The following FOXP2 variants were observed in gnomAD, a reference collection of about 807,000 sequenced individuals.
The protein encoded by FOXP2 is forkhead box P2.
In FOXP2, 12 loss-of-function variants were observed where a neutral mutation model predicts 115.8. The observed-to-expected ratio is 0.10, with a 90% CI of 0.07 to 0.17. The LOEUF is 0.17. FOXP2 is among the 10% of genes least tolerant of loss of function. The pLI, the probability that FOXP2 is intolerant of heterozygous loss-of-function variation, is 1.00. For synonymous variants in FOXP2, 328 were observed against 297.7 expected (o/e 1.10, Z -1.05); for missense variants, 629 against 843.5 (o/e 0.75, Z 3.15).
At chr7:114,428,546 G>T (rs1174928853) in intron 2 of FOXP2, among the ~76,000 whole-genome samples, 2 of 151,372 alleles carry the variant, frequency 1.3e-5, no homozygotes, top group African/African-American at 4.8e-5. Flanking sequence ...GGTATGGTGG[G>T]TGCCTACATA....
chr7:114,492,127 G>T (rs1481238485), intron 2 of FOXP2, among the ~76,000 whole-genome samples: 1 of 151,958 alleles, frequency 6.6e-6, no homozygotes, highest in Non-Finnish European at 1.5e-5. Context: ...ACTTCTTCCT[G>T]GTTTAGTCTT....
chr7:114,190,052 G>A (rs1344730823), intron 1 of FOXP2, among the ~76,000 whole-genome samples: 1 of 152,072 alleles, frequency 6.6e-6, no homozygotes, highest in Non-Finnish European at 1.5e-5. Context: ...ACTTATCTTA[G>A]GACCCAGACA....
chr7:114,186,759 C>T (rs1793617006), intron 1 of FOXP2, among the ~76,000 whole-genome samples: 1 of 152,140 alleles, frequency 6.6e-6, no homozygotes, highest in Admixed American at 6.5e-5. Context: ...ACATCATAGC[C>T]CCACAGGTCA....
chr7:114,122,106 A>G (rs917367203), intron 1 of FOXP2, among the ~76,000 whole-genome samples: 1 of 151,972 alleles, frequency 6.6e-6, no homozygotes, highest in African/African-American at 2.4e-5. Context: ...GTATTTTGAG[A>G]TTTTCTTCAT....
chr7:114,235,161 T>C (rs1313577947), intron 1 of FOXP2, among the ~76,000 whole-genome samples: 1 of 152,158 alleles, frequency 6.6e-6, no homozygotes, highest in Non-Finnish European at 1.5e-5. Flanking sequence ...GAGTGAATAC[T>C]TGTTGATGAA....
At chr7:114,264,868 A>C (rs2129171841) in intron 1 of FOXP2, among the ~76,000 whole-genome samples, 1 of 152,006 alleles carries the variant, frequency 6.6e-6, no homozygotes, top group East Asian at 1.9e-4. Flanking sequence ...TGGGGAGGGG[A>C]TGTGCCACAT....
chr7:114,525,729 C>T (rs1167864008), intron 2 of FOXP2, among the ~76,000 whole-genome samples: 1 of 152,148 alleles, frequency 6.6e-6, no homozygotes, highest in Admixed American at 6.5e-5. Context: ...AGCCTGTCTC[C>T]TCCCCATAAG....
rs1269541792 is a variant in FOXP2, at chr7:114,631,843, TG to T, written c.775+140del. On this transcript the variant is annotated intron_variant, in intron 6 of 16. Coordinates refer to ENST00000350908, the MANE Select transcript of FOXP2 (RefSeq NM_014491.4). ...TATTAAAACGTGATTGTTAACATGG[TG>T]GCATGACCTATTTTCTAGAGGCTCA... 1.3e-4 allele frequency: 106 copies of T among 845,304 alleles called. 2 individuals carry two copies. The South Asian group carries it at 1.6e-3, about 13-fold the overall frequency. The allele number at this position is 845,304 out of a possible 1,614,324, so 52.4% of individuals were successfully genotyped here.
At chr7:114,182,595 A>G (rs1176631565) in intron 1 of FOXP2, among the ~76,000 whole-genome samples, 6 of 151,664 alleles carry the variant, frequency 4.0e-5, no homozygotes, top group African/African-American at 7.3e-5. Flanking sequence ...TGAATTGAAT[A>G]TAAACAACTA....
intron 2 of FOXP2, among the ~76,000 whole-genome samples, chr7:114,358,864 G>T (rs1347853483): frequency 6.6e-6 from 1 of 152,098 alleles, no homozygotes; most frequent in Non-Finnish European, 1.5e-5. Flanking sequence ...TTTAAAAAGG[G>T]AGCAGAGGAT....
intron 14 of FOXP2, among the ~76,000 whole-genome samples, chr7:114,662,702 G>A (rs1300952807): frequency 6.6e-6 from 1 of 152,036 alleles, no homozygotes; most frequent in Non-Finnish European, 1.5e-5. Context: ...CTCCAACTGT[G>A]ATGGTTTTCT....
At chr7:114,280,483 A>G (rs769052721) in intron 1 of FOXP2, among the ~76,000 whole-genome samples, 9 of 152,100 alleles carry the variant, frequency 5.9e-5, no homozygotes, top group Non-Finnish European at 1.2e-4. Context: ...GTACATTTAC[A>G]TGTTTATGGT....
At chr7:114,529,533 G>A (rs538864869) in intron 2 of FOXP2, among the ~76,000 whole-genome samples, 2 of 151,836 alleles carry the variant, frequency 1.3e-5, no homozygotes, top group South Asian at 2.1e-4. Context: ...AGTAGTCTTA[G>A]TATCTCAATT....
chr7:114,458,123 C>A (rs1415847167), intron 2 of FOXP2, among the ~76,000 whole-genome samples: 1 of 151,980 alleles, frequency 6.6e-6, no homozygotes, highest in Non-Finnish European at 1.5e-5. Context: ...ATTTAAGTGG[C>A]AAAACAACTT....
chr7:114,472,282 G>A (rs558411720), intron 2 of FOXP2, among the ~76,000 whole-genome samples: 103 of 151,352 alleles, frequency 6.8e-4, no homozygotes, highest in Non-Finnish European at 9.9e-4. Context: ...TTCATATGGG[G>A]TATTTTATAT....
At position 114,461,813 on chromosome 7, in the gene FOXP2, T is replaced by C. The variant is rs75325192; in HGVS notation, c.168+35134T>C. The stretch of plus-strand genomic sequence containing the variant: ...GATGCTACCATGTTTTCCCTCAACC[T>C]GCTTCTTAGACTATTTTAACTTTCC... On this transcript the variant is annotated intron_variant, in intron 2 of 16. Transcript: ENST00000350908. Among the ~76,000 whole-genome samples, 1,088 of 152,224 alleles carry C rather than the reference T, an allele frequency of 7.1e-3. 16 individuals carry two copies. The highest frequency in any genetic ancestry group is 0.025 in the African/African-American group (1,022 of 41,530).
At chr7:114,308,981 T>C (rs921643869) in intron 2 of FOXP2, among the ~76,000 whole-genome samples, 2 of 152,230 alleles carry the variant, frequency 1.3e-5, no homozygotes, top group Admixed American at 6.5e-5. Context: ...TAATTCTCCA[T>C]GATTTTCTCA....
Position 114,692,940 on chromosome 7 carries a change from T to C in FOXP2, c.*3014T>C, listed in dbSNP as rs1353138428. ...TGGTTGAGAATTGTAACAGCTGTTA[T>C]TCGTTCTGTATTCATGGCTTTCACT... On this transcript the variant is annotated 3_prime_UTR_variant, in exon 17 of 17. Transcript: ENST00000350908. The C allele has an allele frequency of 4.4e-6, 2 of 453,844 alleles. No individual in the cohort carries two copies. The highest frequency in any genetic ancestry group is 2.4e-5 in the Admixed American group (1 of 42,526). 28.1% of individuals were successfully genotyped at this position (453,844 alleles called of 1,614,324 possible).
chr7:114,271,010 A>T (rs1056143241), intron 1 of FOXP2, among the ~76,000 whole-genome samples: 2 of 151,920 alleles, frequency 1.3e-5, no homozygotes, highest in Admixed American at 6.6e-5. Context: ...CTAGCACCAC[A>T]TGTTGAAAAG....
Sources: allele counts gnomAD v4.1 joint callset (sites outside exome capture counted in the v4.1 genomes callset), GRCh38; gene constraint gnomAD v4.1.1; transcripts MANE v1.5; gene names NCBI Gene and HGNC (gene_info 2026-07-23, HGNC 2026-07-21).